Variants in SPATA6 observed in about 807,000 individuals in gnomAD.
SPATA6 encodes the protein spermatogenesis associated 6.
In SPATA6, 56 loss-of-function variants were observed where a neutral mutation model predicts 65.3. The observed-to-expected ratio is 0.86, with a 90% CI of 0.69 to 1.07. The LOEUF is 1.07. Among genes scored for constraint, SPATA6 ranks in the 50% least tolerant of loss-of-function variants. SPATA6 has a pLI of 0.00. For synonymous variants in SPATA6, 199 were observed against 213.2 expected (o/e 0.93, Z 0.58); for missense variants, 590 against 594.8 (o/e 0.99, Z 0.08).
intron 3 of SPATA6, among the ~76,000 whole-genome samples, chr1:48,414,160 A>G (rs896118485): frequency 1.7e-4 from 26 of 152,204 alleles, no homozygotes; most frequent in Admixed American, 1.7e-3. Context: ...GACAAGTGTG[A>G]GAGATTAAAA....
intron 3 of SPATA6, among the ~76,000 whole-genome samples, chr1:48,417,055 T>C (rs767066080): frequency 3.9e-5 from 6 of 152,178 alleles, no homozygotes; most frequent in Admixed American, 1.3e-4. Context: ...ACTTCATTCA[T>C]GGCTATCATT....
At chr1:48,427,874 C>T (rs1653986292) in intron 3 of SPATA6, among the ~76,000 whole-genome samples, 1 of 152,148 alleles carries the variant, frequency 6.6e-6, no homozygotes, top group Non-Finnish European at 1.5e-5. Flanking sequence ...AACCCTTTCC[C>T]CTTTCCTTCC....
chr1:48,316,483 T>C (rs539134110), intron 11 of SPATA6, among the ~76,000 whole-genome samples: 2 of 152,156 alleles, frequency 1.3e-5, no homozygotes, highest in Admixed American at 6.5e-5. Context: ...TAGCCATATT[T>C]AGAAAGCTGA....
chr1:48,382,662 C>T (rs1486778118), intron 9 of SPATA6, among the ~76,000 whole-genome samples: 8 of 48,326 alleles, frequency 1.7e-4, no homozygotes, highest in East Asian at 1.2e-3. Flanking sequence ...CCGGACGGGG[C>T]GGCTGGCCGG....
At chr1:48,381,581 G>A (rs1453592859) in intron 9 of SPATA6, among the ~76,000 whole-genome samples, 2 of 146,422 alleles carry the variant, frequency 1.4e-5, no homozygotes, top group East Asian at 2.0e-4. Flanking sequence ...GCACAAAATC[G>A]TTTAAGAAAA....
rs1320061608 is a variant in SPATA6 at position 48,298,831 on chromosome 1, G to C, written c.1349C>G (p.Ala450Gly). 6.2e-7 allele frequency: 1 copy of C among 1,614,024 alleles called. No homozygotes were observed. The highest frequency in any genetic ancestry group is 8.5e-7 in the Non-Finnish European group (1 of 1,179,942). ...LDDGEYWSNR[A>G]ASYKGKSHRP... ...GTGGGATTTTCCCTTATAAGAGGCTGCCCTGTTGGACCAGTATTCACCGTC... is the reference window on the plus strand; with the variant it reads ...GTGGGATTTTCCCTTATAAGAGGCTCCCCTGTTGGACCAGTATTCACCGTC... The change falls in exon 13 of 13, where the codon GCA (alanine) becomes GGA (glycine). Residue 450 changes from alanine (A) to glycine (G), a missense_variant. By Grantham distance (60) the Ala-to-Gly change is moderately conservative. Transcript: ENST00000371847.
chr1:48,405,588 C>T (rs759677981), intron 5 of SPATA6, among the ~76,000 whole-genome samples: 88 of 152,182 alleles, frequency 5.8e-4, no homozygotes, highest in Non-Finnish European at 9.3e-4. Flanking sequence ...TTCAGCAACT[C>T]ATAAACCTCT....
chr1:48,451,162 T>A (rs1449414956), intron 3 of SPATA6, among the ~76,000 whole-genome samples: 1 of 152,248 alleles, frequency 6.6e-6, no homozygotes, highest in Non-Finnish European at 1.5e-5. Context: ...ATTACTTTGA[T>A]CTGTTATTCA....
At chr1:48,351,673 A>C (rs754965111) in intron 11 of SPATA6, among the ~76,000 whole-genome samples, 55 of 152,164 alleles carry the variant, frequency 3.6e-4, no homozygotes, top group Middle Eastern at 3.4e-3. Context: ...GATGGATTTA[A>C]TTTGCTAATA....
intron 11 of SPATA6, among the ~76,000 whole-genome samples, chr1:48,312,297 C>G (rs2148669866): frequency 6.6e-6 from 1 of 152,312 alleles, no homozygotes; most frequent in Non-Finnish European, 1.5e-5. Flanking sequence ...CCCGAGCAGC[C>G]TAACTGGGAG....
At chr1:48,287,968 A>C in the SPATA6 span, among the ~76,000 whole-genome samples, 8 of 152,344 alleles carry the variant, frequency 5.3e-5, no homozygotes, top group Non-Finnish European at 2.9e-5. Flanking sequence ...TTGTGTTGAA[A>C]TAAGTTTCCT....
At chr1:48,434,095 G>C (rs907991037) in intron 3 of SPATA6, among the ~76,000 whole-genome samples, 1 of 151,982 alleles carries the variant, frequency 6.6e-6, no homozygotes, top group Non-Finnish European at 1.5e-5. Context: ...TCACAAGATT[G>C]TAACACTACA....
intron 11 of SPATA6, among the ~76,000 whole-genome samples, chr1:48,343,660 T>C (rs542058267): frequency 1.3e-5 from 2 of 152,220 alleles, no homozygotes; most frequent in East Asian, 3.9e-4. Flanking sequence ...AGATCTCAAT[T>C]TAAAGGTACC....
rs571104199 is a variant in SPATA6, at chr1:48,406,424, T to G, written c.406-2542A>C. Among the ~76,000 whole-genome samples the G allele has an allele frequency of 2.6e-5, 4 of 152,334 alleles. No individual in the cohort carries two copies. In the East Asian group the frequency reaches 7.7e-4, roughly 29 times the overall value. On this transcript the variant is annotated intron_variant, in intron 5 of 12. Coordinates refer to ENST00000371847, the MANE Select transcript of SPATA6 (RefSeq NM_019073.4). ...TTTTAGAATAACATCTAGACTTGTG[T>G]TTGATCAAATAACTTAGCACCATAA... is the stretch of plus-strand genomic sequence containing the variant.
intron 3 of SPATA6, among the ~76,000 whole-genome samples, chr1:48,446,816 A>T (rs1049042048): frequency 2.0e-5 from 3 of 152,200 alleles, no homozygotes; most frequent in African/African-American, 7.2e-5. Flanking sequence ...GAACATTATC[A>T]ACTTAAATGA....
intron 1 of SPATA6, among the ~76,000 whole-genome samples, chr1:48,467,664 T>A (rs1466587758): frequency 1.3e-5 from 2 of 152,062 alleles, no homozygotes; most frequent in African/African-American, 2.4e-5. Flanking sequence ...GAAAATCTGA[T>A]AAGCGGTTAA....
rs1177505527 is a variant in SPATA6, at chr1:48,343,016, A to C, written c.1194+12654T>G. On this transcript the variant is annotated intron_variant, in intron 11 of 12. Coordinates refer to ENST00000371847, the MANE Select transcript of SPATA6 (RefSeq NM_019073.4). ...GTTGGTATCTGCATCTGTGGAGGAGAGCTCAGAGGAAAACAGGAGGCATCT... is the reference window on the plus strand; with the variant it reads ...GTTGGTATCTGCATCTGTGGAGGAGCGCTCAGAGGAAAACAGGAGGCATCT... Among the ~76,000 whole-genome samples the C allele has an allele frequency of 3.9e-5, 6 of 152,286 alleles. No homozygotes were observed. In the East Asian group the frequency reaches 1.2e-3, roughly 29 times the overall value.
chr1:48,396,725 T>C (rs1260477480), intron 7 of SPATA6, among the ~76,000 whole-genome samples: 1 of 151,464 alleles, frequency 6.6e-6, no homozygotes, highest in Non-Finnish European at 1.5e-5. Flanking sequence ...GTCAAATTCA[T>C]AGAAATAGTA....
chr1:48,396,774 T>C (rs927030018), intron 7 of SPATA6, among the ~76,000 whole-genome samples: 3 of 151,422 alleles, frequency 2.0e-5, no homozygotes, highest in Non-Finnish European at 3.0e-5. Context: ...GAGACAGGAA[T>C]GGAAAGTTAT....
Sources: gnomAD v4.1 joint callset for allele counts (sites outside exome capture counted in the v4.1 genomes callset) on GRCh38, gnomAD v4.1.1 for gene constraint, MANE v1.5 for transcripts, NCBI Gene and HGNC (gene_info 2026-07-23, HGNC 2026-07-21) for gene names.